Variants in TBX15 observed in about 807,000 individuals in gnomAD.
TBX15 encodes the protein T-box transcription factor TBX15.
TBX15 carries 18 observed loss-of-function variants against 53.9 expected under a neutral mutation model. The ratio of observed to expected loss-of-function variants is 0.33; its 90% CI spans 0.23 to 0.49. The LOEUF (loss-of-function observed/expected upper bound fraction) is 0.49. Ranked by LOEUF, TBX15 falls within the 20% of genes least tolerant of loss-of-function variation. TBX15 has a pLI of 0.98. For missense variants in TBX15, 692 were observed against 749.5 expected (o/e 0.92, Z 0.90); for synonymous variants, 295 against 278.0 (o/e 1.06, Z -0.61).
At chr1:118,905,437 G>T (rs909665313) in intron 6 of TBX15, among the ~76,000 whole-genome samples, 1 of 152,146 alleles carries the variant, frequency 6.6e-6, no homozygotes, top group Non-Finnish European at 1.5e-5. Flanking sequence ...GACAAGGGAG[G>T]GCGAACAAAT....
intron 1 of TBX15, among the ~76,000 whole-genome samples, chr1:118,944,731 A>T (rs1360413906): frequency 6.6e-6 from 1 of 152,172 alleles, no homozygotes; most frequent in Non-Finnish European, 1.5e-5. Flanking sequence ...CATGGCATTT[A>T]AGCACTGTCA....
At chr1:118,937,066 A>C (rs80125674) in intron 1 of TBX15, among the ~76,000 whole-genome samples, 2,160 of 152,302 alleles carry the variant, frequency 0.014, 46 homozygotes, top group African/African-American at 0.05. Flanking sequence ...AAGCAAGTCA[A>C]TGATGAGAGG....
intron 1 of TBX15, among the ~76,000 whole-genome samples, chr1:118,959,056 ATG>A (rs888524852): frequency 8.5e-6 from 1 of 117,044 alleles, no homozygotes; most frequent in African/African-American, 3.0e-5. Flanking sequence ...GAGAGAGAGT[ATG>A]TGTGTGTGAA....
intron 1 of TBX15, among the ~76,000 whole-genome samples, chr1:118,948,563 C>T (rs1240022802): frequency 6.6e-6 from 1 of 152,190 alleles, no homozygotes; most frequent in African/African-American, 2.4e-5. Flanking sequence ...CTCTTTTCCC[C>T]TCTGGGCCTC....
At chr1:118,964,319 A>G (rs1022589568) in intron 1 of TBX15, among the ~76,000 whole-genome samples, 5 of 152,356 alleles carry the variant, frequency 3.3e-5, no homozygotes, top group African/African-American at 1.2e-4. Context: ...CTACTGTGAC[A>G]TGAATCTTCC....
chr1:118,936,131 T>A (rs1237525736), intron 1 of TBX15, among the ~76,000 whole-genome samples: 1 of 152,178 alleles, frequency 6.6e-6, no homozygotes, highest in Non-Finnish European at 1.5e-5. Flanking sequence ...ATTTCCTTAA[T>A]CCTTATGGCA....
intron 1 of TBX15, among the ~76,000 whole-genome samples, chr1:118,939,361 T>C (rs1304579713): frequency 7.8e-6 from 1 of 128,288 alleles, no homozygotes; most frequent in Non-Finnish European, 1.5e-5. Context: ...TGAGCTGTGA[T>C]GGCATCACTG....
chr1:118,904,150 T>C (rs1654733036), intron 6 of TBX15, among the ~76,000 whole-genome samples: 1 of 152,160 alleles, frequency 6.6e-6, no homozygotes, highest in African/African-American at 2.4e-5. Context: ...TGAGCATTTA[T>C]TCCATGACAG....
intron 5 of TBX15, among the ~76,000 whole-genome samples, chr1:118,922,644 G>A (rs1655460347): frequency 1.3e-5 from 2 of 152,256 alleles, no homozygotes; most frequent in South Asian, 2.1e-4. Flanking sequence ...TCCCACTTCA[G>A]CCCAGATGTA....
At chr1:118,985,802 G>A (rs929101712) in intron 1 of TBX15, among the ~76,000 whole-genome samples, 1 of 152,136 alleles carries the variant, frequency 6.6e-6, no homozygotes, top group Non-Finnish European at 1.5e-5. Flanking sequence ...CCCATCCCGC[G>A]GGAGCGAGTA....
chr1:118,911,936 T>C (rs1045061048), intron 6 of TBX15, among the ~76,000 whole-genome samples: 4 of 152,208 alleles, frequency 2.6e-5, no homozygotes, highest in African/African-American at 9.6e-5. Context: ...TAATCTGATT[T>C]ATGTTTCTTC....
intron 1 of TBX15, among the ~76,000 whole-genome samples, chr1:118,970,549 T>C (rs1477841970): frequency 6.6e-6 from 1 of 152,200 alleles, no homozygotes; most frequent in Non-Finnish European, 1.5e-5. Flanking sequence ...AGGCAGGTCA[T>C]AAGGCATAAA....
chr1:118,891,004 A>T (rs978536815), intron 7 of TBX15: 2 of 1,179,364 alleles, frequency 1.7e-6, no homozygotes, highest in African/African-American at 3.2e-5. Context: ...AGCACCCTAT[A>T]GACTGATCCC....
chr1:118,956,924 C>G (rs1656711203), intron 1 of TBX15, among the ~76,000 whole-genome samples: 1 of 150,752 alleles, frequency 6.6e-6, no homozygotes, highest in Non-Finnish European at 1.5e-5. Flanking sequence ...CATCGCACCA[C>G]TGCACTCCAG....
At chr1:118,927,475 T>C (rs1655637360) in intron 2 of TBX15, among the ~76,000 whole-genome samples, 1 of 152,232 alleles carries the variant, frequency 6.6e-6, no homozygotes, top group Non-Finnish European at 1.5e-5. Flanking sequence ...AGGAAGGTGC[T>C]ACCAGTCTCC....
At chr1:118,963,005 A>T (rs1041483638) in intron 1 of TBX15, among the ~76,000 whole-genome samples, 1 of 152,266 alleles carries the variant, frequency 6.6e-6, no homozygotes, top group Non-Finnish European at 1.5e-5. Context: ...AATGGAGATA[A>T]GAAACAAGTC....
chr1:118,968,974 G>A (rs2101695058), intron 1 of TBX15, among the ~76,000 whole-genome samples: 1 of 152,296 alleles, frequency 6.6e-6, no homozygotes, highest in Non-Finnish European at 1.5e-5. Flanking sequence ...GTTTTCCTAA[G>A]ATAGAACAGC....
At chr1:118,900,926 T>G (rs1363000919) in intron 6 of TBX15, among the ~76,000 whole-genome samples, 1 of 152,166 alleles carries the variant, frequency 6.6e-6, no homozygotes, top group Non-Finnish European at 1.5e-5. Flanking sequence ...GAGTCTTTAT[T>G]GTTCCACCTC....
In TBX15 at chr1:118,987,687, C is replaced by G. The variant is rs938998020; in HGVS notation, c.109G>C (p.Glu37Gln). 1.3e-6 allele frequency: 2 copies of G among 1,550,378 alleles called. No homozygotes were observed. Among genetic ancestry groups the G allele is most frequent in the Non-Finnish European group, 1.7e-6 (2 of 1,146,818 alleles). Residue 37 changes from glutamate (E) to glutamine (Q), a missense_variant, in exon 1 of 8, where the codon GAG becomes CAG. Coordinates refer to ENST00000369429, the MANE Select transcript of TBX15 (RefSeq NM_001330677.2). ...NKKRKLRDWE[E>Q]KGLDLSMEAL... ...TCCATAGACAGGTCCAGCCCCTTCT[C>G]CTCCCAGTCTCGCAGTTTCCGTTTT...
Sources: gnomAD v4.1 joint callset for allele counts (sites outside exome capture counted in the v4.1 genomes callset) on GRCh38, gnomAD v4.1.1 for gene constraint, MANE v1.5 for transcripts, NCBI Gene and HGNC (gene_info 2026-07-23, HGNC 2026-07-21) for gene names.